FGL1: variants seen among roughly 807,000 people sequenced by gnomAD.
The protein encoded by FGL1 is fibrinogen-like protein 1.
Under a neutral mutation model 43.7 loss-of-function variants are expected in FGL1, and 59 were observed. That is an observed-to-expected ratio of 1.35 (90% CI 1.10 to 1.68). The LOEUF is 1.68. FGL1 is among the 40% of genes most tolerant of loss of function. The pLI is 0.00. For missense variants in FGL1, 596 were observed against 373.0 expected (o/e 1.60, Z -4.92); for synonymous variants, 192 against 126.5 (o/e 1.52, Z -3.48).
intron 1 of FGL1, among the ~76,000 whole-genome samples, chr8:17,886,850 G>T (rs1285205167): frequency 6.6e-6 from 1 of 151,992 alleles, no homozygotes; most frequent in Non-Finnish European, 1.5e-5. Flanking sequence ...CAGTAGAGAG[G>T]AGCACCATGA....
intron 1 of FGL1, among the ~76,000 whole-genome samples, chr8:17,893,027 C>CATGTATTTTTA: frequency 2.6e-5 from 4 of 152,022 alleles, no homozygotes; most frequent in Non-Finnish European, 5.9e-5. Context: ...GGCAAAACCC[C>CATGTATTTTTA]GTCCCTACTA....
chr8:17,890,917 AC>A (rs1010388818), intron 1 of FGL1, among the ~76,000 whole-genome samples: 16 of 152,252 alleles, frequency 1.1e-4, no homozygotes, highest in African/African-American at 3.6e-4. Flanking sequence ...CCATCCCATA[AC>A]ATGTGGGATT....
At position 17,882,854 on chromosome 8, in the gene FGL1, A is replaced by C. The variant is rs868204245; in HGVS notation, c.64-675T>G. ...ATATATTAAATAATATATAATATAT[A>C]TCATATATAATATATTAAATAATAT... is the stretch of plus-strand genomic sequence containing the variant. On this transcript the variant is annotated intron_variant, in intron 2 of 7. Coordinates refer to ENST00000427924, the MANE Select transcript of FGL1 (RefSeq NM_004467.4). 4.0e-3 allele frequency among the ~76,000 whole-genome samples: 171 copies of C among 42,356 alleles called. 6 individuals are homozygous for C. The highest frequency in any genetic ancestry group is 0.012 in the African/African-American group (125 of 10,144). The allele number at this position is 42,356 out of a possible 152,430, so 27.8% of individuals were successfully genotyped here.
rs982054830 is a variant in FGL1, at chr8:17,874,347, T to A, written c.404+15A>T. On this transcript the variant is annotated intron_variant, in intron 4 of 7. Coordinates refer to ENST00000427924, the MANE Select transcript of FGL1 (RefSeq NM_004467.4). ...TTGCTGCTACATATAAAGTCTTACATCATAATTAGCACACCTGTTAAAGTT... is the reference window on the plus strand; with the variant it reads ...TTGCTGCTACATATAAAGTCTTACAACATAATTAGCACACCTGTTAAAGTT... The A allele has an allele frequency of 3.1e-6, 5 of 1,608,844 alleles. No individual in the cohort carries two copies. Among genetic ancestry groups the A allele is most frequent in the Non-Finnish European group, 4.2e-6 (5 of 1,177,668 alleles).
At chr8:17,885,756 C>T (rs149721242) in intron 1 of FGL1, 185 bp from the exon 2 acceptor site, 521 of 538,590 alleles carry the variant, frequency 9.7e-4, no homozygotes, top group African/African-American at 8.6e-3. Flanking sequence ...TGAGTGTTAA[C>T]TAGAATTGAA....
chr8:17,873,894 ATCACTGCCATCTGC>A, intron 5 of FGL1, 111 bp downstream of exon 5: 1 of 558,116 alleles, frequency 1.8e-6, no homozygotes, highest in Non-Finnish European at 2.9e-6. Flanking sequence ...CCCAAAAGTT[ATCACTGCCATCTGC>A]AAATCATAGC....
chr8:17,889,371 A>T (rs35392570), intron 1 of FGL1, among the ~76,000 whole-genome samples: 1,584 of 152,190 alleles, frequency 0.01, 30 homozygotes, highest in African/African-American at 0.035. Flanking sequence ...CCAACATGAT[A>T]AAACTCCATC....
intron 3 of FGL1, 156 bp from the exon 4 acceptor site, chr8:17,874,677 T>C: frequency 2.2e-6 from 1 of 447,530 alleles, no homozygotes; most frequent in Non-Finnish European, 3.7e-6. Context: ...CATCTTCCAG[T>C]GGATATTAGG....
At chr8:17,874,174 A>T in intron 4 of FGL1, 58 bp from the exon 5 acceptor site, 1 of 1,410,734 alleles carries the variant, frequency 7.1e-7, no homozygotes. Context: ...TACCAAAGCG[A>T]CCACCACCCA....
At chr8:17,881,939 T>C in intron 3 of FGL1, 60 bp downstream of exon 3, 1 of 1,362,990 alleles carries the variant, frequency 7.3e-7, no homozygotes, top group African/African-American at 1.4e-5. Context: ...ACTAGCACCA[T>C]CACTGTACAT....
chr8:17,868,690 CT>C lies in FGL1; in HGVS notation c.636del (p.Asp213IlefsTer20). ...GGATGAAAATTCCCCGCAAGGGAAT[CT>C]CCAGCTGTTCCAGAATATTCCCCAA... ...LNIGEYSGTAGDSLAGNFHPE... is the reference protein window; with the variant it reads ...LNIGEYSGTAXDSLAGNFHPE... On this transcript the variant is annotated frameshift_variant, in exon 7 of 8. Coordinates refer to ENST00000427924, the MANE Select transcript of FGL1 (RefSeq NM_004467.4). LOFTEE classifies it high-confidence loss of function. 1 of 1,613,702 alleles carries C rather than the reference CT, an allele frequency of 6.2e-7. No homozygotes were observed.
At chr8:17,894,943 C>T (rs1044318954) in intron 1 of FGL1, among the ~76,000 whole-genome samples, 5 of 147,864 alleles carry the variant, frequency 3.4e-5, no homozygotes, top group African/African-American at 1.3e-4. Flanking sequence ...ATAAATATTG[C>T]TTAGCATTAG....
intron 2 of FGL1, 67 bp from the exon 3 acceptor site, chr8:17,882,246 AT>A: frequency 7.2e-7 from 1 of 1,392,578 alleles, no homozygotes; most frequent in Non-Finnish European, 9.7e-7. Context: ...CTTTTTAAAC[AT>A]TTGGATAAAT....
chr8:17,875,005 T>G (rs928349502), intron 3 of FGL1, among the ~76,000 whole-genome samples: 5 of 152,074 alleles, frequency 3.3e-5, no homozygotes, highest in Non-Finnish European at 7.4e-5. Flanking sequence ...AACAGTATAT[T>G]TAGGTGGAAC....
intron 5 of FGL1, among the ~76,000 whole-genome samples, chr8:17,873,171 T>A (rs1417107815): frequency 6.6e-6 from 1 of 152,188 alleles, no homozygotes; most frequent in Non-Finnish European, 1.5e-5. Flanking sequence ...TATTGTTTAC[T>A]TCCTTTTAAA....
At chr8:17,890,874 C>G (rs756151457) in intron 1 of FGL1, among the ~76,000 whole-genome samples, 19 of 152,082 alleles carry the variant, frequency 1.2e-4, no homozygotes, top group Non-Finnish European at 2.4e-4. Flanking sequence ...ATGGGGGTAG[C>G]TGCCCCCATG....
At chr8:17,871,988 A>G (rs917258783) in intron 5 of FGL1, among the ~76,000 whole-genome samples, 2 of 152,258 alleles carry the variant, frequency 1.3e-5, no homozygotes, top group African/African-American at 4.8e-5. Context: ...ATAAGAAACC[A>G]GATAAATATC....
chr8:17,878,245 C>A (rs2053486218), intron 3 of FGL1, among the ~76,000 whole-genome samples: 1 of 152,188 alleles, frequency 6.6e-6, no homozygotes, highest in African/African-American at 2.4e-5. Context: ...ATTCATGGCA[C>A]CTGGCCAAAA....
At chr8:17,888,651 T>C (rs1272694873) in intron 1 of FGL1, among the ~76,000 whole-genome samples, 1 of 152,218 alleles carries the variant, frequency 6.6e-6, no homozygotes, top group Non-Finnish European at 1.5e-5. Context: ...ACACTCCTTA[T>C]TCATTGTGGC....
Sources: allele counts gnomAD v4.1 joint callset (sites outside exome capture counted in the v4.1 genomes callset), GRCh38; gene constraint gnomAD v4.1.1; transcripts MANE v1.5; gene names NCBI Gene and HGNC (gene_info 2026-07-23, HGNC 2026-07-21).